The following ACCSL variants were observed in gnomAD, a reference collection of about 807,000 sequenced individuals.
ACCSL encodes the protein probable inactive 1-aminocyclopropane-1-carboxylate synthase-like protein 2.
A neutral mutation model predicts 61.7 loss-of-function variants in ACCSL; 55 were observed. The ratio of observed to expected loss-of-function variants is 0.89; its 90% CI spans 0.72 to 1.12. The LOEUF (loss-of-function observed/expected upper bound fraction) is 1.12. ACCSL is among the 50% of genes most tolerant of loss of function. ACCSL has a pLI of 0.00. For missense variants in ACCSL, 632 were observed against 698.0 expected (o/e 0.91, Z 1.07); for synonymous variants, 258 against 264.3 (o/e 0.98, Z 0.23).
chr11:44,004,949 C>T, the ACCSL span, among the ~76,000 whole-genome samples: 2 of 152,202 alleles, frequency 1.3e-5, no homozygotes, highest in Non-Finnish European at 2.9e-5. Flanking sequence ...TGCCTGGATA[C>T]ACTCCTAACC....
chr11:44,023,496 T>G, the ACCSL span, among the ~76,000 whole-genome samples: 1 of 152,146 alleles, frequency 6.6e-6, no homozygotes, highest in Non-Finnish European at 1.5e-5. Flanking sequence ...TTGGTACTCA[T>G]GTCCTCCTCT....
At chr11:43,977,010 C>T in the ACCSL span, among the ~76,000 whole-genome samples, 3 of 152,248 alleles carry the variant, frequency 2.0e-5, no homozygotes, top group East Asian at 1.9e-4. Context: ...GACAGAGGTG[C>T]CTTGAATGGA....
the ACCSL span, among the ~76,000 whole-genome samples, chr11:43,980,547 G>T: frequency 6.6e-6 from 1 of 151,970 alleles, no homozygotes; most frequent in African/African-American, 2.4e-5. Flanking sequence ...ATGTTTATTG[G>T]GTGCTTTCAC....
the ACCSL span, among the ~76,000 whole-genome samples, chr11:43,939,554 C>T: frequency 1.3e-5 from 2 of 151,922 alleles, no homozygotes; most frequent in Non-Finnish European, 2.9e-5. Context: ...ACACATTTGC[C>T]TGTGTGTCAA....
At chr11:43,971,774 T>A in the ACCSL span, among the ~76,000 whole-genome samples, 1 of 152,312 alleles carries the variant, frequency 6.6e-6, no homozygotes, top group East Asian at 1.9e-4. Flanking sequence ...TGACTCAAGC[T>A]GTCCTCTGCT....
At chr11:44,001,811 GT>G in the ACCSL span, among the ~76,000 whole-genome samples, 2 of 149,808 alleles carry the variant, frequency 1.3e-5, no homozygotes, top group Non-Finnish European at 3.0e-5. Flanking sequence ...GTGTGTGTGT[GT>G]GTGTGTGTGT....
the ACCSL span, among the ~76,000 whole-genome samples, chr11:43,982,901 G>C: frequency 5.3e-4 from 81 of 152,314 alleles, no homozygotes; most frequent in African/African-American, 1.9e-3. Flanking sequence ...GTGGGCTGCG[G>C]TACAGCTGGC....
At chr11:44,031,024 G>A in the ACCSL span, among the ~76,000 whole-genome samples, 8 of 152,262 alleles carry the variant, frequency 5.3e-5, 1 homozygote, top group African/African-American at 1.2e-4. Flanking sequence ...GATTTGGAAG[G>A]CACCTGACTG....
chr11:43,982,452 T>G, the ACCSL span, among the ~76,000 whole-genome samples: 2 of 152,004 alleles, frequency 1.3e-5, no homozygotes. Flanking sequence ...GGTCTTGAAC[T>G]CCTGACCTGA....
At chr11:43,943,943 G>T in the ACCSL span, 7 of 1,039,714 alleles carry the variant, frequency 6.7e-6, no homozygotes, top group African/African-American at 1.2e-4. The surrounding 1 kb of genome is among the most constrained non-coding windows in gnomAD (Gnocchi z 4.8). Context: ...ACTCGGGGAG[G>T]TGGGGGAGGA....
chr11:43,968,384 A>G, the ACCSL span, among the ~76,000 whole-genome samples: 2 of 146,438 alleles, frequency 1.4e-5, no homozygotes, highest in African/African-American at 5.1e-5. Flanking sequence ...CCCCGCAAGC[A>G]ATCTCTGTGC....
the ACCSL span, among the ~76,000 whole-genome samples, chr11:44,033,913 A>G: frequency 6.6e-6 from 1 of 152,010 alleles, no homozygotes; most frequent in Non-Finnish European, 1.5e-5. Context: ...CCATCAAAAT[A>G]CATCTAAGCA....
At chr11:43,936,292 A>C in the ACCSL span, among the ~76,000 whole-genome samples, 44,811 of 151,958 alleles carry the variant, frequency 0.29, 6,771 homozygotes, top group East Asian at 0.39. Context: ...AGCCACCAAA[A>C]CCCCCAAATG....
At chr11:44,046,172 T>C (rs1252825135), upstream of ACCSL, among the ~76,000 whole-genome samples, 1 of 152,230 alleles carries the variant, frequency 6.6e-6, no homozygotes, top group Non-Finnish European at 1.5e-5. Flanking sequence ...AGGGCAAAGT[T>C]CTTGCTTGTG....
In ACCSL at chr11:44,058,615, T is replaced by C. The variant is rs1406850404; in HGVS notation, c.1540T>C (p.Leu514=). 1.9e-6 allele frequency: 3 copies of C among 1,613,998 alleles called. No individual in the cohort carries two copies. In the Admixed American group the frequency reaches 5.0e-5, roughly 27 times the overall value. ...CCGCTTCCTGGACAACAAGCTATTG[T>C]TATCCCGTGGCAAAACCTACATGTG... ...YCRFLDNKLL[L]SRGKTYMCKE... Residue 514 remains leucine, a synonymous_variant, in exon 13 of 14, where the codon TTA becomes CTA. Coordinates refer to ENST00000378832, the MANE Select transcript of ACCSL (RefSeq NM_001031854.2).
chr11:43,997,466 G>A, the ACCSL span, among the ~76,000 whole-genome samples: 4 of 152,174 alleles, frequency 2.6e-5, no homozygotes, highest in Admixed American at 2.0e-4. Context: ...TGCTAAGTCA[G>A]CTGCAACCTG....
the ACCSL span, among the ~76,000 whole-genome samples, chr11:43,993,550 T>C: frequency 0.28 from 42,933 of 152,036 alleles, 6,648 homozygotes; most frequent in South Asian, 0.36. Flanking sequence ...AAAGTGCTCT[T>C]AGCTGCAGTT....
At chr11:44,058,755 A>C in intron 13 of ACCSL, 56 bp downstream of exon 13, 1 of 1,555,532 alleles carries the variant, frequency 6.4e-7, no homozygotes, top group South Asian at 1.2e-5. Context: ...TTAATATGTC[A>C]ATCTTCTCCC....
At chr11:44,027,355 A>T in the ACCSL span, among the ~76,000 whole-genome samples, 1 of 152,316 alleles carries the variant, frequency 6.6e-6, no homozygotes, top group East Asian at 1.9e-4. Context: ...CCAGAAATAA[A>T]TTGGAGCTTT....
Sources: gnomAD v4.1 joint callset for allele counts (sites outside exome capture counted in the v4.1 genomes callset) on GRCh38, gnomAD v4.1.1 for gene constraint, Gnocchi (gnomAD v3.1) non-coding constraint, MANE v1.5 for transcripts, NCBI Gene and HGNC (gene_info 2026-07-23, HGNC 2026-07-21) for gene names.